NUB1: variants seen among roughly 807,000 people sequenced by gnomAD.
NUB1 encodes the protein negative regulator of ubiquitin like proteins 1, also known as NEDD8 ultimate buster 1.
In NUB1, 41 loss-of-function variants were observed where a neutral mutation model predicts 77.1. The ratio of observed to expected loss-of-function variants is 0.53; its 90% CI spans 0.41 to 0.69. The LOEUF is 0.69. NUB1 is among the 30% of genes least tolerant of loss of function. The pLI is 0.00. For synonymous variants in NUB1, 257 were observed against 281.0 expected, an observed-to-expected ratio of 0.91 and a Z score of 0.85; for missense variants, 643 against 743.8, an observed-to-expected ratio of 0.86 and a Z score of 1.58.
chr7:151,357,087 G>A (rs557500388), intron 7 of NUB1, among the ~76,000 whole-genome samples: 2 of 152,150 alleles, frequency 1.3e-5, no homozygotes, highest in African/African-American at 4.8e-5. Context: ...CACCATCATA[G>A]CTCACTGCAG....
intron 8 of NUB1, among the ~76,000 whole-genome samples, chr7:151,364,085 C>A (rs184941767): frequency 1.3e-5 from 2 of 150,966 alleles, no homozygotes; most frequent in East Asian, 4.0e-4. Context: ...TGAGCCACCG[C>A]GCCTGGCCTA....
rs1207714342 is a variant in NUB1, at chr7:151,351,461, C to T, written c.323C>T (p.Thr108Ile). Residue 108 changes from threonine (T) to isoleucine (I), a missense_variant, in exon 4 of 15, where the codon ACT becomes ATT. Transcript: ENST00000568733. ...TTGTTGGAGACCCGATTGCACATCA[C>T]TGGCAGAGAACTGAGGTCCAAGTAA... Reference protein sequence around the residue: ...KNLLETRLHITGRELRSKIAE... With the variant: ...KNLLETRLHIIGRELRSKIAE... 6.2e-7 allele frequency: 1 copy of T among 1,613,148 alleles called. No homozygotes were observed. Among genetic ancestry groups the T allele is most frequent in the Non-Finnish European group, 8.5e-7 (1 of 1,179,334 alleles).
chr7:151,349,373 A>G, intron 3 of NUB1, 133 bp downstream of exon 3: 1 of 770,680 alleles, frequency 1.3e-6, no homozygotes, highest in Non-Finnish European at 2.1e-6. Flanking sequence ...TGAACAATTT[A>G]TCAGCTTGAA....
intron 7 of NUB1, 54 bp downstream of exon 7, chr7:151,356,276 G>C: frequency 7.4e-7 from 1 of 1,360,516 alleles, no homozygotes. Context: ...TCAGGGCAGA[G>C]GTGGTTTTTT....
At chr7:151,363,063 A>G (rs1257379340) in intron 8 of NUB1, among the ~76,000 whole-genome samples, 3 of 152,260 alleles carry the variant, frequency 2.0e-5, no homozygotes, top group Admixed American at 6.5e-5. Flanking sequence ...ACAAAACTCA[A>G]TAATTTAGCA....
chr7:151,357,587 T>C (rs1385144117), intron 7 of NUB1, among the ~76,000 whole-genome samples: 1 of 151,466 alleles, frequency 6.6e-6, no homozygotes, highest in African/African-American at 2.4e-5. Flanking sequence ...TGAGTTACTC[T>C]GTTTAAAATT....
chr7:151,374,187 C>T lies in NUB1; in HGVS notation c.1339C>T (p.His447Tyr), dbSNP rs1318854447. ...TCTGAAAGGGATGGGCTACTCCACG[C>T]ACGCGGCCCAGCAGGTACTCCACGC... Reference protein sequence around the residue: ...RFLKGMGYSTHAAQQVLHAAS... With the variant: ...RFLKGMGYSTYAAQQVLHAAS... The change falls in exon 12 of 15, where the codon CAC (histidine) becomes TAC (tyrosine). Residue 447 changes from histidine to tyrosine, a missense_variant. Transcript: ENST00000568733. The T allele has an allele frequency of 6.4e-7, 1 of 1,573,702 alleles. No individual in the cohort carries two copies. The highest frequency in any genetic ancestry group is 2.4e-5 in the East Asian group (1 of 42,308).
intron 10 of NUB1, 135 bp from the exon 11 acceptor site, chr7:151,368,600 G>T: frequency 9.9e-7 from 1 of 1,010,724 alleles, no homozygotes. Flanking sequence ...AACAGGCCTA[G>T]TTTAGAGATT....
chr7:151,341,987 T>TGGGCCGGGGCCG (rs574226063), intron 1 of NUB1, 141 bp downstream of exon 1: 23 of 1,284,838 alleles, frequency 1.8e-5, no homozygotes, highest in African/African-American at 3.1e-5. Context: ...TGCGTGGAGC[T>TGGGCCGGGGCCG]GGGCCGGGGC....
rs542928310 is a variant in NUB1, at chr7:151,359,492, C to G, written c.694-649C>G. The stretch of plus-strand genomic sequence containing the variant: ...GAAATGAATGCCCTTTTTAAAGATA[C>G]AAGCAGCCGGGCACCGTGGCTCACG... On this transcript the variant is annotated intron_variant, in intron 7 of 14. Coordinates refer to ENST00000568733, the MANE Select transcript of NUB1 (RefSeq NM_001243351.2). Among the ~76,000 whole-genome samples, 12 of 133,690 alleles carry G rather than the reference C, an allele frequency of 9.0e-5. No homozygotes were observed. The South Asian group carries it at 2.3e-3, about 26-fold the overall frequency. 87.7% of individuals were successfully genotyped at this position (133,690 alleles called of 152,430 possible). A position where few individuals can be genotyped will look rare whatever the true frequency, so the allele number is the denominator to read the frequency against.
chr7:151,343,874 C>T (rs952683163), intron 1 of NUB1, among the ~76,000 whole-genome samples: 1 of 151,902 alleles, frequency 6.6e-6, no homozygotes, highest in Non-Finnish European at 1.5e-5. Flanking sequence ...TAAAATGATC[C>T]GATCAGTGTT....
chr7:151,348,713 C>G (rs981290404), intron 2 of NUB1, among the ~76,000 whole-genome samples: 1 of 151,216 alleles, frequency 6.6e-6, no homozygotes, highest in East Asian at 1.9e-4. Context: ...GTAGCTGGGC[C>G]TACAGGCACA....
intron 7 of NUB1, among the ~76,000 whole-genome samples, chr7:151,357,791 G>C (rs1797153116): frequency 6.6e-6 from 1 of 151,342 alleles, no homozygotes; most frequent in South Asian, 2.1e-4. Flanking sequence ...TGTATTTTTA[G>C]TAGAGACGGG....
chr7:151,371,097 G>C (rs1315997225), intron 11 of NUB1, among the ~76,000 whole-genome samples: 2 of 152,052 alleles, frequency 1.3e-5, no homozygotes, highest in Admixed American at 1.3e-4. Context: ...TGGAGAAAAT[G>C]CAAATAAAAA....
intron 1 of NUB1, among the ~76,000 whole-genome samples, chr7:151,343,751 G>A (rs945583191): frequency 6.6e-6 from 1 of 152,074 alleles, no homozygotes; most frequent in Non-Finnish European, 1.5e-5. Flanking sequence ...ACTCCATGAC[G>A]GAAGTTCAGA....
At chr7:151,371,334 T>G (rs2150712055) in intron 11 of NUB1, among the ~76,000 whole-genome samples, 1 of 151,922 alleles carries the variant, frequency 6.6e-6, no homozygotes, top group Middle Eastern at 3.4e-3. Flanking sequence ...CTGATGTCAC[T>G]GAGGACCTGA....
chr7:151,352,943 C>G, intron 5 of NUB1, 61 bp downstream of exon 5: 4 of 889,282 alleles, frequency 4.5e-6, no homozygotes, highest in South Asian at 1.6e-5. Context: ...AATGACTTCC[C>G]TTTTTTTCTC....
chr7:151,352,687 C>A (rs1455825608), intron 4 of NUB1, 125 bp from the exon 5 acceptor site: 1 of 645,022 alleles, frequency 1.6e-6, no homozygotes, highest in South Asian at 1.8e-5. Context: ...AAGCCATCCT[C>A]CCACCTTGGC....
intron 12 of NUB1, chr7:151,374,539 T>C (rs1798117842): frequency 2.1e-6 from 1 of 467,180 alleles, no homozygotes; most frequent in Non-Finnish European, 3.9e-6. Flanking sequence ...CAGAGTTTAG[T>C]GAAACAGGCA....
Sources: allele counts gnomAD v4.1 joint callset (sites outside exome capture counted in the v4.1 genomes callset), GRCh38; gene constraint gnomAD v4.1.1; transcripts MANE v1.5; gene names NCBI Gene and HGNC (gene_info 2026-07-23, HGNC 2026-07-21).